Variants in ZNF469 observed in about 807,000 individuals in gnomAD.
ZNF469 encodes zinc finger protein 469.
ZNF469 carries 1 observed loss-of-function variant against 1.0 expected under a neutral mutation model. That is an observed-to-expected ratio of 1.00 (90% CI 0.35 to 4.73). The LOEUF is 4.73. Ranked by LOEUF, ZNF469 falls within the 30% of genes most tolerant of loss-of-function variation. The pLI is 0.16. For missense variants in ZNF469, 6,100 were observed against 5,356.3 expected, an observed-to-expected ratio of 1.14 and a Z score of -4.33; for synonymous variants, 2,703 against 2,363.4, an observed-to-expected ratio of 1.14 and a Z score of -4.17.
At chr16:88,366,186 T>A in the ZNF469 span, among the ~76,000 whole-genome samples, 1 of 118,886 alleles carries the variant, frequency 8.4e-6, no homozygotes, top group African/African-American at 3.3e-5. Context: ...TCATCATCAC[T>A]ATAACCATTT....
At chr16:88,196,130 C>T in the ZNF469 span, among the ~76,000 whole-genome samples, 2 of 152,164 alleles carry the variant, frequency 1.3e-5, no homozygotes, top group African/African-American at 4.8e-5. Flanking sequence ...GTGTAGGTGG[C>T]GAAACTGAGG....
chr16:88,368,633 G>A, the ZNF469 span, among the ~76,000 whole-genome samples: 2 of 151,774 alleles, frequency 1.3e-5, no homozygotes, highest in African/African-American at 2.4e-5. Flanking sequence ...AGAGGGTGTG[G>A]CTGGGAGGAC....
chr16:88,351,964 G>A, the ZNF469 span, among the ~76,000 whole-genome samples: 8 of 152,208 alleles, frequency 5.3e-5, no homozygotes, highest in Non-Finnish European at 8.8e-5. Context: ...AGGCCCCTCC[G>A]CCCCGAGGAG....
At chr16:88,405,738 C>T (rs993206929) in intron 1 of ZNF469, among the ~76,000 whole-genome samples, 12 of 152,178 alleles carry the variant, frequency 7.9e-5, no homozygotes, top group African/African-American at 2.2e-4. Context: ...CACTCCAAGC[C>T]GCCTCGGTGG....
At chr16:88,115,852 T>C in the ZNF469 span, among the ~76,000 whole-genome samples, 1 of 152,158 alleles carries the variant, frequency 6.6e-6, no homozygotes, top group African/African-American at 2.4e-5. Flanking sequence ...GCACTCCAGG[T>C]ATTCCTGGGC....
chr16:88,301,433 T>C, the ZNF469 span, among the ~76,000 whole-genome samples: 149,703 of 152,318 alleles, frequency 0.98, 73,579 homozygotes, highest in East Asian at 1. Context: ...GGATTACAGG[T>C]GTGAGCCACC....
the ZNF469 span, among the ~76,000 whole-genome samples, chr16:88,110,536 G>A: frequency 5.3e-5 from 8 of 152,362 alleles, no homozygotes; most frequent in East Asian, 1.9e-4. Context: ...CCCACATGGC[G>A]TGAGCAGCTT....
chr16:88,355,695 C>T, the ZNF469 span, among the ~76,000 whole-genome samples: 1 of 152,214 alleles, frequency 6.6e-6, no homozygotes, highest in Non-Finnish European at 1.5e-5. Context: ...GGCCTATCAT[C>T]CAGGGGCTGG....
chr16:88,139,442 A>G, the ZNF469 span, among the ~76,000 whole-genome samples: 32 of 94,366 alleles, frequency 3.4e-4, no homozygotes, highest in East Asian at 1.4e-3. Context: ...AAGTGGATCC[A>G]AAACCTTTTT....
At position 88,428,913 on chromosome 16, in the gene ZNF469, C is replaced by G; in HGVS notation, c.1443C>G (p.Pro481=). ...GQRLCLPQSA[P]LPWPQVLPTA... Reference sequence around the variant, plus strand: ...GGCTCTGCCTCCCCCAGAGTGCCCCCCTGCCTTGGCCCCAAGTGCTCCCGA... The same window carrying G: ...GGCTCTGCCTCCCCCAGAGTGCCCCGCTGCCTTGGCCCCAAGTGCTCCCGA... The change falls in exon 3 of 3, where the codon CCC becomes CCG. Residue 481 remains proline (P), a synonymous_variant. Coordinates refer to ENST00000565624, the MANE Select transcript of ZNF469 (RefSeq NM_001367624.2). The G allele has an allele frequency of 1.3e-6, 2 of 1,546,620 alleles. No individual in the cohort carries two copies. Among genetic ancestry groups the G allele is most frequent in the South Asian group, 1.2e-5 (1 of 83,902 alleles).
the ZNF469 span, among the ~76,000 whole-genome samples, chr16:88,319,361 G>A: frequency 6.6e-6 from 1 of 152,148 alleles, no homozygotes; most frequent in Non-Finnish European, 1.5e-5. Context: ...TGCAGGGCCA[G>A]GAGACTTTCT....
the ZNF469 span, among the ~76,000 whole-genome samples, chr16:88,353,439 TC>T: frequency 6.6e-6 from 1 of 152,050 alleles, no homozygotes; most frequent in Non-Finnish European, 1.5e-5. Context: ...CCACCCAGCT[TC>T]CCCAGCCCCA....
the ZNF469 span, among the ~76,000 whole-genome samples, chr16:88,305,513 C>A: frequency 6.7e-6 from 1 of 150,284 alleles, no homozygotes; most frequent in Non-Finnish European, 1.5e-5. Flanking sequence ...CACACCCTCA[C>A]ACACATGCAC....
At chr16:88,421,676 G>T (rs926413819) in intron 1 of ZNF469, among the ~76,000 whole-genome samples, 1 of 152,214 alleles carries the variant, frequency 6.6e-6, no homozygotes, top group African/African-American at 2.4e-5. Flanking sequence ...CCCAGGAGAT[G>T]CGAAGGACAG....
the ZNF469 span, among the ~76,000 whole-genome samples, chr16:88,111,404 T>C: frequency 9.2e-5 from 14 of 152,086 alleles, no homozygotes; most frequent in Admixed American, 5.2e-4. Flanking sequence ...AACAAGCCAG[T>C]GATTTTATTT....
At chr16:88,215,126 C>T in the ZNF469 span, among the ~76,000 whole-genome samples, 9 of 152,112 alleles carry the variant, frequency 5.9e-5, no homozygotes, top group Non-Finnish European at 1.0e-4. Context: ...AATCAGCATG[C>T]GGACAGATTT....
At chr16:88,188,375 G>A in the ZNF469 span, among the ~76,000 whole-genome samples, 1 of 152,174 alleles carries the variant, frequency 6.6e-6, no homozygotes, top group African/African-American at 2.4e-5. Context: ...GACCTGGGGT[G>A]TCGTACTGTC....
chr16:88,341,224 T>A, the ZNF469 span, among the ~76,000 whole-genome samples: 3 of 152,164 alleles, frequency 2.0e-5, no homozygotes, highest in Non-Finnish European at 4.4e-5. Context: ...GGTCTTGGGG[T>A]GTCCCTGTTC....
the ZNF469 span, among the ~76,000 whole-genome samples, chr16:88,285,085 A>G: frequency 6.6e-6 from 1 of 152,220 alleles, no homozygotes; most frequent in African/African-American, 2.4e-5. Context: ...CTGGCCTAAC[A>G]TGCCTCATAC....
Sources: gnomAD v4.1 joint callset for allele counts (sites outside exome capture counted in the v4.1 genomes callset) on GRCh38, gnomAD v4.1.1 for gene constraint, MANE v1.5 for transcripts, NCBI Gene and HGNC (gene_info 2026-07-23, HGNC 2026-07-21) for gene names.